EGFR: variants seen among roughly 807,000 people sequenced by gnomAD.
EGFR encodes the protein avian erythroblastic leukemia viral (v-erb-b) oncogene homolog.
In EGFR, 58 loss-of-function variants were observed where a neutral mutation model predicts 143.0. The ratio of observed to expected loss-of-function variants is 0.41; its 90% CI spans 0.33 to 0.50. The LOEUF (loss-of-function observed/expected upper bound fraction) is 0.50. Ranked by LOEUF, EGFR falls within the 20% of genes least tolerant of loss-of-function variation. The pLI is 0.39. For missense variants in EGFR, 1,307 were observed against 1,579.0 expected (o/e 0.83, Z 2.92); for synonymous variants, 613 against 594.4 (o/e 1.03, Z -0.45).
rs1787019085 is a variant in EGFR, at chr7:55,027,994, ATATATATATATATATAT to A, written c.88+8630_88+8646del. On this transcript the variant is annotated intron_variant, in intron 1 of 27. Coordinates refer to ENST00000275493, the MANE Select transcript of EGFR (RefSeq NM_005228.5). ...TTTATGTAAAAAAAAAAAAAAAAATATATATATATATATATATATATATATATATATACACACACACA... is the reference window on the plus strand; with the variant it reads ...TTTATGTAAAAAAAAAAAAAAAAATAATATATATATATATACACACACACA... Among the ~76,000 whole-genome samples, 2 of 55,108 alleles carry A rather than the reference ATATATATATATATATAT, an allele frequency of 3.6e-5. 1 individual carries two copies. Among genetic ancestry groups the A allele is most frequent in the South Asian group, 1.2e-3 (2 of 1,670 alleles). 36.2% of individuals were successfully genotyped at this position (55,108 alleles called of 152,430 possible).
chr7:55,108,246 C>A (rs1792254232), intron 1 of EGFR, among the ~76,000 whole-genome samples: 1 of 152,224 alleles, frequency 6.6e-6, no homozygotes, highest in Admixed American at 6.5e-5. Context: ...AAAATAGAAT[C>A]ATGCTTATGT....
chr7:55,190,725 G>T (rs1158489523), intron 20 of EGFR, among the ~76,000 whole-genome samples: 2 of 152,198 alleles, frequency 1.3e-5, no homozygotes, highest in African/African-American at 4.8e-5. Context: ...GCCATAAAGG[G>T]AACTAGAAAG....
chr7:55,203,901 A>G (rs990461130), intron 27 of EGFR, among the ~76,000 whole-genome samples: 6 of 151,260 alleles, frequency 4.0e-5, no homozygotes, highest in Non-Finnish European at 1.5e-5. Context: ...TTTATTAGCT[A>G]TCTAATATCT....
At chr7:55,156,737 A>G (rs1785437112) in intron 9 of EGFR, 22 bp from the exon 10 acceptor site, 1 of 1,614,046 alleles carries the variant, frequency 6.2e-7, no homozygotes, top group Admixed American at 1.7e-5. Context: ...GTGATCAATA[A>G]TCACCCTGTT....
At chr7:55,036,271 T>TGTGGGGG (rs1414370413) in intron 1 of EGFR, among the ~76,000 whole-genome samples, 1 of 22,380 alleles carries the variant, frequency 4.5e-5, no homozygotes. Context: ...TGTGTGTGTG[T>TGTGGGGG]GGGGGGGGGG....
intron 1 of EGFR, among the ~76,000 whole-genome samples, chr7:55,056,974 G>A (rs1788862912): frequency 1.3e-5 from 2 of 152,228 alleles, no homozygotes; most frequent in African/African-American, 2.4e-5. Flanking sequence ...GTGGAGTGCA[G>A]CCAACAGAGC....
At chr7:55,074,943 G>T (rs996242739) in intron 1 of EGFR, among the ~76,000 whole-genome samples, 1 of 152,130 alleles carries the variant, frequency 6.6e-6, no homozygotes, top group Non-Finnish European at 1.5e-5. Context: ...TTTGGCAAAG[G>T]TTACTATTAA....
At chr7:55,088,225 G>A (rs1790881662) in intron 1 of EGFR, among the ~76,000 whole-genome samples, 3 of 152,206 alleles carry the variant, frequency 2.0e-5, no homozygotes, top group African/African-American at 7.2e-5. Flanking sequence ...GTTTTCAGAG[G>A]CTGTATTCCA....
rs567584329 is a variant in EGFR at position 55,127,005 on chromosome 7, G to C, written c.89-15281G>C. 3.3e-5 allele frequency among the ~76,000 whole-genome samples: 5 copies of C among 152,286 alleles called. No homozygotes were observed. In the East Asian group the frequency reaches 9.6e-4, roughly 29 times the overall value. On this transcript the variant is annotated intron_variant, in intron 1 of 27. Transcript: ENST00000275493. Reference sequence around the variant, plus strand: ...GAATAGACTTGGGGGCAGTGCAAGTGTATTTCTAATGGTGAAAACCATTCC... The same window carrying C: ...GAATAGACTTGGGGGCAGTGCAAGTCTATTTCTAATGGTGAAAACCATTCC...
At chr7:55,193,416 A>G (rs1787486448) in intron 22 of EGFR, among the ~76,000 whole-genome samples, 1 of 152,146 alleles carries the variant, frequency 6.6e-6, no homozygotes, top group Non-Finnish European at 1.5e-5. Flanking sequence ...AGTGTTGCCC[A>G]GCACTGGCCT....
chr7:55,138,985 C>G (rs751697926), intron 1 of EGFR, among the ~76,000 whole-genome samples: 8 of 152,240 alleles, frequency 5.3e-5, no homozygotes, highest in African/African-American at 1.2e-4. Flanking sequence ...GGACTCACTC[C>G]CGTGATAGCT....
chr7:55,133,683 G>A (rs563906185), intron 1 of EGFR, among the ~76,000 whole-genome samples: 42 of 152,184 alleles, frequency 2.8e-4, no homozygotes, highest in South Asian at 2.1e-4. Flanking sequence ...TGGTGCTGTC[G>A]GCTCCCCAGC....
At chr7:55,146,454 GC>G in intron 3 of EGFR, 151 bp from the exon 4 acceptor site, 3 of 1,211,182 alleles carry the variant, frequency 2.5e-6, no homozygotes, top group South Asian at 2.6e-5. Context: ...TTATCTGGCC[GC>G]CCCCCGGGAA....
At chr7:55,114,301 G>T (rs1365241798) in intron 1 of EGFR, among the ~76,000 whole-genome samples, 1 of 152,108 alleles carries the variant, frequency 6.6e-6, no homozygotes, top group African/African-American at 2.4e-5. Flanking sequence ...CAACACTTTA[G>T]AGGGCAAGGC....
chr7:55,201,611 G>T (rs563926373), intron 25 of EGFR, 124 bp from the exon 26 acceptor site: 2 of 1,341,494 alleles, frequency 1.5e-6, no homozygotes, highest in South Asian at 2.4e-5. Flanking sequence ...TAAAACTAAC[G>T]ATTAAGACAA....
intron 1 of EGFR, among the ~76,000 whole-genome samples, chr7:55,073,012 C>A (rs986692796): frequency 6.6e-6 from 1 of 152,162 alleles, no homozygotes; most frequent in African/African-American, 2.4e-5. Flanking sequence ...AATTCTCAGG[C>A]TTTGCTATAT....
chr7:55,143,040 G>A (rs17289575), intron 2 of EGFR, among the ~76,000 whole-genome samples: 3 of 152,166 alleles, frequency 2.0e-5, no homozygotes, highest in Admixed American at 1.3e-4. Flanking sequence ...TGAACCCCGT[G>A]AGGCATGAGA....
At chr7:55,098,989 T>C (rs936724413) in intron 1 of EGFR, among the ~76,000 whole-genome samples, 16 of 152,210 alleles carry the variant, frequency 1.1e-4, no homozygotes, top group African/African-American at 3.9e-4. Context: ...TGGAAAGTGA[T>C]GAGAACCTGG....
At chr7:55,151,979 G>A (rs1239256446) in intron 5 of EGFR, among the ~76,000 whole-genome samples, 1 of 152,246 alleles carries the variant, frequency 6.6e-6, no homozygotes, top group African/African-American at 2.4e-5. Flanking sequence ...ACTTGCTCCT[G>A]TTGACAGCAG....
Sources: allele counts gnomAD v4.1 joint callset (sites outside exome capture counted in the v4.1 genomes callset), GRCh38; gene constraint gnomAD v4.1.1; transcripts MANE v1.5; gene names NCBI Gene and HGNC (gene_info 2026-07-23, HGNC 2026-07-21).